Variants in HEPH observed in about 807,000 individuals in gnomAD.
HEPH encodes hephaestin.
A neutral mutation model predicts 80.8 loss-of-function variants in HEPH; 69 were observed. That is an observed-to-expected ratio of 0.85 (90% CI 0.70 to 1.04). HEPH has a LOEUF of 1.04. HEPH is among the 50% of genes least tolerant of loss of function. The pLI is 0.00. For synonymous variants in HEPH, 431 were observed against 322.8 expected (o/e 1.34, Z -3.60); for missense variants, 1,115 against 891.3 (o/e 1.25, Z -3.20).
intron 15 of HEPH, among the ~76,000 whole-genome samples, chrX:66,246,927 G>A (rs762606757): frequency 2.7e-5 from 3 of 111,641 alleles, no homozygotes; most frequent in Non-Finnish European, 5.7e-5. Context: ...ATTTTTGAAG[G>A]GTCATTTTGT....
chrX:66,260,323 A>T lies in HEPH; in HGVS notation c.3199+61A>T, dbSNP rs1024370374. On this transcript the variant is annotated intron_variant, in intron 19 of 20. Coordinates refer to ENST00000343002, the MANE Select transcript of HEPH (RefSeq NM_001367233.3). The stretch of plus-strand genomic sequence containing the variant: ...ACACTTTATCTAGCCTATAGGAAGC[A>T]GGTAATACCAAAAAGCCTCTTGATT... The T allele has an allele frequency of 5.4e-5, 52 of 968,814 alleles. 1 individual carries two copies. In the African/African-American group the frequency reaches 8.4e-4, roughly 16 times the overall value. The allele number at this position is 968,814 out of a possible 1,213,427, so 79.8% of individuals were successfully genotyped here. A position where few individuals can be genotyped will look rare whatever the true frequency, so the allele number is the denominator to read the frequency against.
intron 12 of HEPH, among the ~76,000 whole-genome samples, chrX:66,202,640 T>C (rs754356873): frequency 1.8e-5 from 2 of 110,502 alleles, no homozygotes; most frequent in African/African-American, 6.6e-5. Flanking sequence ...TCTCTTTCTT[T>C]TTACCTAACT....
At chrX:66,218,060 G>A (rs2089473923) in intron 15 of HEPH, among the ~76,000 whole-genome samples, 1 of 111,069 alleles carries the variant, frequency 9.0e-6, no homozygotes, top group Non-Finnish European at 1.9e-5. Context: ...TAAAAAATGA[G>A]GCAGACAGCA....
rs770178542 is a variant in HEPH at position 66,189,859 on chromosome X, C to G, written c.984C>G (p.Ala328=). The G allele has an allele frequency of 5.0e-6, 6 of 1,203,407 alleles. No homozygotes were observed. The highest frequency in any genetic ancestry group is 6.7e-6 in the Non-Finnish European group (6 of 891,883). ...CTGATGTGGCTAACATCTTTCCAGC[C>G]ACCTTTGTGACTGCTGAGATGGTGC... is the stretch of plus-strand genomic sequence containing the variant. ...HHTDVANIFP[A]TFVTAEMVPW... The change falls in exon 6 of 21, where the codon GCC becomes GCG. Residue 328 remains alanine (A), a synonymous_variant. Transcript: ENST00000343002.
chrX:66,266,447 C>T lies in HEPH; in HGVS notation c.3252C>T (p.Pro1084=). The T allele has an allele frequency of 8.3e-7, 1 of 1,207,798 alleles. No homozygotes were observed. The highest frequency in any genetic ancestry group is 1.1e-6 in the Non-Finnish European group (1 of 893,027). The change falls in exon 21 of 21, where the codon CCC becomes CCT. Residue 1084 remains proline (P), a synonymous_variant. Coordinates refer to ENST00000343002, the MANE Select transcript of HEPH (RefSeq NM_001367233.3). ...VITKETEKAV[P]PRDIEEGNVK... is the part of the protein sequence containing the mutation. Reference sequence around the variant, plus strand: ...TTTTTTTCTCCATTTCAGCAGTGCCCCCCAGAGACATTGAAGAAGGCAATG... The same window carrying T: ...TTTTTTTCTCCATTTCAGCAGTGCCTCCCAGAGACATTGAAGAAGGCAATG...
chrX:66,237,495 C>A (rs1011477750), intron 15 of HEPH, among the ~76,000 whole-genome samples: 4 of 111,793 alleles, frequency 3.6e-5, no homozygotes, highest in Admixed American at 1.9e-4. Context: ...TTCTGAGAGA[C>A]TGTTATGATT....
chrX:66,227,659 T>C (rs1483317399), intron 15 of HEPH, among the ~76,000 whole-genome samples: 4 of 112,068 alleles, frequency 3.6e-5, no homozygotes, highest in Non-Finnish European at 7.5e-5. Flanking sequence ...AGGGTATTCT[T>C]TCTACACTTT....
At chrX:66,211,320 G>A (rs1313254242) in intron 15 of HEPH, among the ~76,000 whole-genome samples, 1 of 111,608 alleles carries the variant, frequency 9.0e-6, no homozygotes, top group African/African-American at 3.3e-5. Flanking sequence ...TTTGTTACAT[G>A]TATATTATGT....
intron 8 of HEPH, 94 bp from the exon 9 acceptor site, chrX:66,195,004 C>T: frequency 4.1e-6 from 3 of 725,371 alleles, no homozygotes; most frequent in Non-Finnish European, 5.7e-6. Flanking sequence ...TCTTCACTTT[C>T]ACTTTCCTTT....
At position 66,173,808 on chromosome X, in the gene HEPH, G is replaced by A. The variant is rs370822073; in HGVS notation, c.625+7G>A. ...CTCATCACCTGTAAAAGAGGTACAG[G>A]TCCCAAGGATAAGCTATGAGGTGTA... is the stretch of plus-strand genomic sequence containing the variant. On this transcript the variant is annotated splice_region_variant and intron_variant, in intron 4 of 20. Transcript: ENST00000343002. 1.3e-5 allele frequency: 15 copies of A among 1,155,439 alleles called. No homozygotes were observed. The South Asian group carries it at 1.3e-4, about 10-fold the overall frequency.
chrX:66,209,817 G>T (rs2089014150), intron 15 of HEPH, among the ~76,000 whole-genome samples: 3 of 111,631 alleles, frequency 2.7e-5, no homozygotes, highest in Admixed American at 1.9e-4. Flanking sequence ...ACTTGAGATG[G>T]AGTGGGAGGA....
chrX:66,208,630 A>G (rs747985780), intron 15 of HEPH, among the ~76,000 whole-genome samples: 1 of 43,505 alleles, frequency 2.3e-5, no homozygotes. Context: ...ATATATACAT[A>G]CATATATATA....
At chrX:66,172,317 TG>T in intron 2 of HEPH, 37 bp from the exon 3 acceptor site, 1 of 1,156,281 alleles carries the variant, frequency 8.6e-7, no homozygotes, top group Non-Finnish European at 1.2e-6. Context: ...GGCTTGAAGA[TG>T]GGGGGCAAAA....
intron 16 of HEPH, among the ~76,000 whole-genome samples, chrX:66,255,380 A>G (rs892405617): frequency 2.2e-4 from 7 of 32,232 alleles, no homozygotes; most frequent in African/African-American, 8.0e-4. Context: ...ATAAAGCAAC[A>G]TGTTCTCATT....
In HEPH at chrX:66,168,406, G is replaced by C. The variant is rs144044614; in HGVS notation, c.-13-2152G>C. 8.4e-4 allele frequency among the ~76,000 whole-genome samples: 94 copies of C among 111,662 alleles called. No individual in the cohort carries two copies. In the East Asian group the frequency reaches 0.023, roughly 28 times the overall value. On this transcript the variant is annotated intron_variant, in intron 1 of 20. Coordinates refer to ENST00000343002, the MANE Select transcript of HEPH (RefSeq NM_001367233.3). The stretch of plus-strand genomic sequence containing the variant: ...TAAGCTTTCTGATTTATTTCTCCAG[G>C]GCTGATATTATTATACCCATTTTAC...
intron 19 of HEPH, 115 bp from the exon 20 acceptor site, chrX:66,263,529 T>G: frequency 1.3e-6 from 1 of 751,670 alleles, no homozygotes; most frequent in Non-Finnish European, 2.0e-6. Context: ...GCCTTTATTT[T>G]GCTTACTTAA....
chrX:66,220,147 A>C (rs921244792), intron 15 of HEPH, among the ~76,000 whole-genome samples: 1 of 111,174 alleles, frequency 9.0e-6, no homozygotes, highest in Non-Finnish European at 1.9e-5. Context: ...TGTAGGTACT[A>C]ATTATTGGGC....
intron 16 of HEPH, 140 bp downstream of exon 16, chrX:66,255,281 T>G: frequency 2.6e-6 from 1 of 386,082 alleles, no homozygotes; most frequent in Non-Finnish European, 4.6e-6. Context: ...TGGACTTATT[T>G]TAATAGACAG....
chrX:66,216,292 G>A (rs896340801), intron 15 of HEPH, among the ~76,000 whole-genome samples: 1 of 111,747 alleles, frequency 8.9e-6, no homozygotes, highest in South Asian at 3.8e-4. Context: ...CAAAACCAAT[G>A]CACTTAATAA....
Sources: gnomAD v4.1 joint callset for allele counts (sites outside exome capture counted in the v4.1 genomes callset) on GRCh38, gnomAD v4.1.1 for gene constraint, MANE v1.5 for transcripts, NCBI Gene and HGNC (gene_info 2026-07-23, HGNC 2026-07-21) for gene names.